SBNO2: variants seen among roughly 807,000 people sequenced by gnomAD.
SBNO2 encodes the protein strawberry notch homolog 2, also known as protein strawberry notch homolog 2.
A neutral mutation model predicts 146.3 loss-of-function variants in SBNO2; 89 were observed. The ratio of observed to expected loss-of-function variants is 0.61; its 90% CI spans 0.51 to 0.73. The LOEUF is 0.73. SBNO2 is among the 30% of genes least tolerant of loss of function. The pLI, the probability that SBNO2 is intolerant of heterozygous loss-of-function variation, is 0.00. For missense variants in SBNO2, 2,092 were observed against 2,003.7 expected, an observed-to-expected ratio of 1.04 and a Z score of -0.84; for synonymous variants, 1,147 against 892.6, an observed-to-expected ratio of 1.29 and a Z score of -5.08.
intron 1 of SBNO2, among the ~76,000 whole-genome samples, chr19:1,165,150 G>A (rs185677501): frequency 8.5e-5 from 13 of 152,250 alleles, no homozygotes; most frequent in African/African-American, 3.1e-4. Context: ...ATGCGAGGGA[G>A]GACCCGGAGT....
chr19:1,169,850 A>G (rs2080460809), intron 1 of SBNO2, among the ~76,000 whole-genome samples: 1 of 152,144 alleles, frequency 6.6e-6, no homozygotes, highest in Admixed American at 6.5e-5. Context: ...AACGTATTCT[A>G]AGGCAGACCA....
intron 13 of SBNO2, 108 bp downstream of exon 13, chr19:1,119,408 C>G: frequency 1.0e-6 from 1 of 962,844 alleles, no homozygotes; most frequent in South Asian, 1.6e-5. Flanking sequence ...TTCAGCACCT[C>G]TGGGTGCTGG....
Position 1,112,273 on chromosome 19 carries a change from G to T in SBNO2, c.2544C>A (p.Ser848=), listed in dbSNP as rs572862692. The T allele has an allele frequency of 6.3e-7, 1 of 1,590,754 alleles. No homozygotes were observed. The highest frequency in any genetic ancestry group is 1.1e-5 in the South Asian group (1 of 87,988). ...FGRTHRSNQV[S]APEYVFLISE... ...AGATGAGGAAGACATACTCTGGCGC[G>T]GAGACCTGGTTGGACCGGTGGGTGC... The change falls in exon 22 of 32, where the codon TCC becomes TCA. Residue 848 remains serine (S), a synonymous_variant. Transcript: ENST00000361757. This position sits in a 1 kb window ranked among gnomAD's most constrained non-coding sequence, Gnocchi z 5.9.
In SBNO2 at chr19:1,123,051, G is replaced by A. The variant is rs2079922403; in HGVS notation, c.629-6C>T. ...GTGCTGCTTCCCGATCTTGGCTGGA[G>A]GAGCAAGGACGGAGGGCAAGGTAAA... On this transcript the variant is annotated splice_region_variant and splice_polypyrimidine_tract_variant and intron_variant, in intron 7 of 31. Coordinates refer to ENST00000361757, the MANE Select transcript of SBNO2 (RefSeq NM_014963.3). 2 of 1,592,344 alleles carry A rather than the reference G, an allele frequency of 1.3e-6. No homozygotes were observed. Among genetic ancestry groups the A allele is most frequent in the Admixed American group, 1.8e-5 (1 of 56,762 alleles).
At chr19:1,166,613 A>G (rs1462321311) in intron 1 of SBNO2, among the ~76,000 whole-genome samples, 1 of 37,982 alleles carries the variant, frequency 2.6e-5, no homozygotes. Flanking sequence ...CCGCAACTGC[A>G]CGCGCACACA....
chr19:1,129,226 C>T (rs1035714189), intron 4 of SBNO2, among the ~76,000 whole-genome samples: 5 of 152,128 alleles, frequency 3.3e-5, no homozygotes, highest in African/African-American at 9.7e-5. Flanking sequence ...GAGATCGTGC[C>T]ATTGCACTCC....
chr19:1,171,787 G>T (rs2080480608), intron 1 of SBNO2, among the ~76,000 whole-genome samples: 1 of 152,112 alleles, frequency 6.6e-6, no homozygotes. Flanking sequence ...GGGGTGGCTG[G>T]CGCAACCTCT....
chr19:1,134,644 TGG>T (rs1478096420), intron 4 of SBNO2, among the ~76,000 whole-genome samples: 2 of 151,800 alleles, frequency 1.3e-5, no homozygotes, highest in Non-Finnish European at 1.5e-5. Flanking sequence ...GGGGTGGGGA[TGG>T]GCTGGGGAGT....
chr19:1,122,299 C>G lies in SBNO2; in HGVS notation c.1006-17G>C. 6.5e-7 allele frequency: 1 copy of G among 1,549,804 alleles called. No individual in the cohort carries two copies. Among genetic ancestry groups the G allele is most frequent in the Non-Finnish European group, 8.7e-7 (1 of 1,144,854 alleles). On this transcript the variant is annotated splice_polypyrimidine_tract_variant and intron_variant, in intron 10 of 31. Coordinates refer to ENST00000361757, the MANE Select transcript of SBNO2 (RefSeq NM_014963.3). ...GTACTTGATCTGGGGATGCACAGAA[C>G]AGGTGTGGAATGGGGCCCCGGCTCA...
rs755313889 is a variant in SBNO2, at chr19:1,122,140, A to G, written c.1148T>C (p.Val383Ala). Residue 383 changes from valine (V) to alanine (A), a missense_variant and splice_region_variant, in exon 11 of 32, where the codon GTC becomes GCC. Physicochemically the swap from Val to Ala is moderately conservative, Grantham distance 64 (BLOSUM62 0). Transcript: ENST00000361757. ...LDWCGEAFEGVIVFDECHKAK... is the reference protein window; with the variant it reads ...LDWCGEAFEGAIVFDECHKAK... ...TCCCGATTGCCCCCAGCAGGATACG[A>G]CGCCCTCGAAGGCCTCCCCACACCA... is the stretch of plus-strand genomic sequence containing the variant. 1 of 1,425,980 alleles carries G rather than the reference A, an allele frequency of 7.0e-7. No homozygotes were observed. The highest frequency in any genetic ancestry group is 9.2e-7 in the Non-Finnish European group (1 of 1,083,080). The allele number at this position is 1,425,980 out of a possible 1,614,324, so 88.3% of individuals were successfully genotyped here.
intron 1 of SBNO2, among the ~76,000 whole-genome samples, chr19:1,160,923 G>T (rs1243578358): frequency 6.6e-6 from 1 of 151,354 alleles, no homozygotes; most frequent in African/African-American, 2.4e-5. Context: ...GGACCACAAG[G>T]GGGCATTTGC....
rs1205617640 is a variant in SBNO2, at chr19:1,117,417, C to G, written c.1610G>C (p.Trp537Ser). ...ESRKSLWGQF[W>S]SAHQRFFKYL... ...CTTGAAGAAGCGCTGGTGTGCCGAC[C>G]AGAACTGGCCCCACAGGGACTTGCG... Residue 537 changes from tryptophan (W) to serine (S), a missense_variant, in exon 15 of 32, where the codon TGG (tryptophan) becomes TCG (serine). Transcript: ENST00000361757. 6.3e-7 allele frequency: 1 copy of G among 1,590,628 alleles called. No individual in the cohort carries two copies. The highest frequency in any genetic ancestry group is 8.5e-7 in the Non-Finnish European group (1 of 1,170,102).
At chr19:1,164,509 GAGGAGGAGGAGGAAC>G (rs2080384859) in intron 1 of SBNO2, among the ~76,000 whole-genome samples, 1 of 130,726 alleles carries the variant, frequency 7.6e-6, no homozygotes, top group African/African-American at 2.9e-5. Flanking sequence ...GAGACAGGAG[GAGGAGGAGGAGGAAC>G]AGGAGGAGGA....
chr19:1,122,431 C>G, intron 10 of SBNO2, 37 bp downstream of exon 10: 1 of 1,546,478 alleles, frequency 6.5e-7, no homozygotes, highest in Non-Finnish European at 8.7e-7. Context: ...GGCACGGTCC[C>G]CACCTTGCCC....
rs973561908 is a variant in SBNO2 at position 1,136,513 on chromosome 19, G to A, written c.280-8748C>T. Reference sequence around the variant, plus strand: ...TCCTGCACCTGCCCAGGCCCTGGGCGGAGGCTCCTCCTCCCGGGGGGGCTG... The same window carrying A: ...TCCTGCACCTGCCCAGGCCCTGGGCAGAGGCTCCTCCTCCCGGGGGGGCTG... On this transcript the variant is annotated intron_variant, in intron 4 of 31. Coordinates refer to ENST00000361757, the MANE Select transcript of SBNO2 (RefSeq NM_014963.3). This position sits in a 1 kb window ranked among gnomAD's most constrained non-coding sequence, Gnocchi z 4.2. Among the ~76,000 whole-genome samples, 6 of 152,338 alleles carry A rather than the reference G, an allele frequency of 3.9e-5. No individual in the cohort carries two copies. The highest frequency in any genetic ancestry group is 7.2e-5 in the African/African-American group (3 of 41,574).
At chr19:1,123,727 C>G in intron 6 of SBNO2, 88 bp from the exon 7 acceptor site, 1 of 1,351,000 alleles carries the variant, frequency 7.4e-7, no homozygotes, top group Non-Finnish European at 1.0e-6. Context: ...CCAGGCTGAC[C>G]ATGGGCAGCT....
chr19:1,111,105 G>C lies in SBNO2; in HGVS notation c.2810-12C>G, dbSNP rs961862873. The C allele has an allele frequency of 1.3e-6, 2 of 1,544,208 alleles. No individual in the cohort carries two copies. The highest frequency in any genetic ancestry group is 2.4e-5 in the East Asian group (1 of 41,058). ...GCCCTGCTTCATGTCTGCGGGGAGAGGGGCCTCACATGCTGGTCTTCCCAC... is the reference window on the plus strand; with the variant it reads ...GCCCTGCTTCATGTCTGCGGGGAGACGGGCCTCACATGCTGGTCTTCCCAC... On this transcript the variant is annotated splice_polypyrimidine_tract_variant and intron_variant, in intron 24 of 31. Coordinates refer to ENST00000361757, the MANE Select transcript of SBNO2 (RefSeq NM_014963.3).
intron 1 of SBNO2, among the ~76,000 whole-genome samples, chr19:1,172,035 C>T (rs532390871): frequency 3.3e-5 from 5 of 152,174 alleles, no homozygotes; most frequent in Non-Finnish European, 5.9e-5. Context: ...GCTCCCTCCC[C>T]CTGAAGTCCA....
chr19:1,124,834 C>A (rs1004337512), intron 5 of SBNO2, among the ~76,000 whole-genome samples: 7 of 152,058 alleles, frequency 4.6e-5, no homozygotes. Flanking sequence ...TGTGGCCCAC[C>A]CAGGGGTCTC....
Sources: gnomAD v4.1 joint callset for allele counts (sites outside exome capture counted in the v4.1 genomes callset) on GRCh38, gnomAD v4.1.1 for gene constraint, Gnocchi (gnomAD v3.1) non-coding constraint, MANE v1.5 for transcripts, NCBI Gene and HGNC (gene_info 2026-07-23, HGNC 2026-07-21) for gene names.